Variants in RNLS observed in about 807,000 individuals in gnomAD.
The protein encoded by RNLS is renalase.
RNLS carries 39 observed loss-of-function variants against 39.8 expected under a neutral mutation model. The ratio of observed to expected loss-of-function variants is 0.98; its 90% CI spans 0.76 to 1.28. RNLS has a LOEUF of 1.28. RNLS is among the 50% of genes most tolerant of loss of function. The pLI, the probability that RNLS is intolerant of heterozygous loss-of-function variation, is 0.00. For missense variants in RNLS, 410 were observed against 413.3 expected (o/e 0.99, Z 0.07); for synonymous variants, 147 against 150.7 (o/e 0.98, Z 0.18).
In RNLS at chr10:88,284,275, A is replaced by G. The variant is rs1353635538; in HGVS notation, c.*1079T>C. 3.0e-6 allele frequency: 3 copies of G among 985,244 alleles called. No homozygotes were observed. The East Asian group carries it at 3.4e-4, about 112-fold the overall frequency. 61.0% of individuals were successfully genotyped at this position (985,244 alleles called of 1,614,324 possible). ...AACTTTAAACACTATTACAGTAAGA[A>G]GTCTTTTGTTGAACTTTTGTTAGTT... On this transcript the variant is annotated 3_prime_UTR_variant, in exon 7 of 7. Transcript: ENST00000331772.
chr10:88,364,692 A>G (rs972385780), intron 4 of RNLS, among the ~76,000 whole-genome samples: 2 of 152,164 alleles, frequency 1.3e-5, no homozygotes, highest in Non-Finnish European at 2.9e-5. Flanking sequence ...CCCTTTAACT[A>G]TAATTTTCTG....
chr10:88,569,692 G>A (rs912236013), intron 4 of RNLS, among the ~76,000 whole-genome samples: 6 of 152,004 alleles, frequency 3.9e-5, no homozygotes, highest in Non-Finnish European at 5.9e-5. Context: ...AAAAAATAAG[G>A]TCTACTGCAA....
chr10:88,361,876 C>G (rs1255745471), intron 5 of RNLS, among the ~76,000 whole-genome samples: 1 of 152,154 alleles, frequency 6.6e-6, no homozygotes, highest in African/African-American at 2.4e-5. Flanking sequence ...CACTGCAGTC[C>G]TACAAATGAG....
intron 4 of RNLS, among the ~76,000 whole-genome samples, chr10:88,522,988 A>T (rs1846850771): frequency 6.6e-6 from 1 of 152,070 alleles, no homozygotes. Flanking sequence ...AACTCAAGAG[A>T]CAGTGGCATT....
In RNLS at chr10:88,583,200, G is replaced by C; in HGVS notation, c.-10C>G. ...TCAGCACCTGCGCCATGGCGAGAGG[G>C]AGCAGCGATCCGCGCTGAGTCTCTG... On this transcript the variant is annotated 5_prime_UTR_variant, in exon 1 of 7. Coordinates refer to ENST00000331772, the MANE Select transcript of RNLS (RefSeq NM_001031709.3). 3.1e-6 allele frequency: 5 copies of C among 1,613,584 alleles called. No homozygotes were observed. Among genetic ancestry groups the C allele is most frequent in the Non-Finnish European group, 3.4e-6 (4 of 1,179,842 alleles).
In RNLS at chr10:88,285,283, C is replaced by T; in HGVS notation, c.*71G>A. The T allele has an allele frequency of 7.0e-7, 1 of 1,424,078 alleles. No individual in the cohort carries two copies. The highest frequency in any genetic ancestry group is 1.5e-5 in the African/African-American group (1 of 68,252). The allele number at this position is 1,424,078 out of a possible 1,614,324, so 88.2% of individuals were successfully genotyped here. A position where few individuals can be genotyped will look rare whatever the true frequency, so the allele number is the denominator to read the frequency against. The stretch of plus-strand genomic sequence containing the variant: ...TAATTTTTCTTAGCAAAATAGAAAA[C>T]AAAATAATCAATAACAGAAAATTGT... On this transcript the variant is annotated 3_prime_UTR_variant, in exon 7 of 7. Coordinates refer to ENST00000331772, the MANE Select transcript of RNLS (RefSeq NM_001031709.3).
chr10:88,553,511 T>A (rs1486802300), intron 4 of RNLS, among the ~76,000 whole-genome samples: 2 of 152,146 alleles, frequency 1.3e-5, no homozygotes, highest in African/African-American at 4.8e-5. Context: ...TATAACAATC[T>A]TAAGAATCTA....
At chr10:88,327,855 G>A (rs898904382) in intron 5 of RNLS, among the ~76,000 whole-genome samples, 8 of 151,688 alleles carry the variant, frequency 5.3e-5, no homozygotes, top group East Asian at 1.9e-4. Context: ...TGCCCGCCTC[G>A]GCCTCCCAAA....
At chr10:88,320,362 C>T (rs147095067) in intron 5 of RNLS, among the ~76,000 whole-genome samples, 6 of 151,464 alleles carry the variant, frequency 4.0e-5, no homozygotes, top group East Asian at 3.9e-4. Flanking sequence ...CCAAAGTACA[C>T]GGATCCTATA....
chr10:88,574,881 T>C (rs921971262), intron 3 of RNLS, among the ~76,000 whole-genome samples: 1 of 152,028 alleles, frequency 6.6e-6, no homozygotes, highest in Non-Finnish European at 1.5e-5. Context: ...ACTCTGTTTT[T>C]ATTTATTTAG....
intron 4 of RNLS, among the ~76,000 whole-genome samples, chr10:88,564,009 C>T (rs1849347784): frequency 6.6e-6 from 1 of 152,110 alleles, no homozygotes; most frequent in Non-Finnish European, 1.5e-5. Flanking sequence ...ATTAAACATA[C>T]ATATGCATAT....
At chr10:88,202,423 A>G in the RNLS span, among the ~76,000 whole-genome samples, 1 of 152,096 alleles carries the variant, frequency 6.6e-6, no homozygotes, top group South Asian at 2.1e-4. Context: ...CGTTGTGCAC[A>G]TGTACCCTAA....
chr10:88,237,622 C>G, the RNLS span, among the ~76,000 whole-genome samples: 1 of 152,156 alleles, frequency 6.6e-6, no homozygotes, highest in African/African-American at 2.4e-5. Context: ...CTTTCTAAGA[C>G]ATTTCTTCTA....
intron 3 of RNLS, among the ~76,000 whole-genome samples, chr10:88,576,409 A>G (rs940027520): frequency 6.6e-6 from 1 of 152,214 alleles, no homozygotes; most frequent in Non-Finnish European, 1.5e-5. Context: ...TATTTATTCA[A>G]TTTTATCCCT....
At chr10:88,414,740 T>C (rs1853910091) in intron 4 of RNLS, among the ~76,000 whole-genome samples, 1 of 152,220 alleles carries the variant, frequency 6.6e-6, no homozygotes, top group African/African-American at 2.4e-5. Context: ...AATGGTCCGT[T>C]CTATCAACCT....
At chr10:88,171,591 A>G in the RNLS span, among the ~76,000 whole-genome samples, 1 of 152,232 alleles carries the variant, frequency 6.6e-6, no homozygotes, top group Non-Finnish European at 1.5e-5. Flanking sequence ...TAATCATTGT[A>G]CATATTTGTG....
chr10:88,277,325 C>T (rs978209107), intron 6 of RNLS, among the ~76,000 whole-genome samples: 25 of 112,974 alleles, frequency 2.2e-4, no homozygotes, highest in Admixed American at 8.1e-4. Flanking sequence ...GGGTGCCTGC[C>T]GGGGAGGTGG....
chr10:88,305,096 C>T (rs1199102026), intron 6 of RNLS, among the ~76,000 whole-genome samples: 1 of 152,046 alleles, frequency 6.6e-6, no homozygotes, highest in African/African-American at 2.4e-5. Flanking sequence ...CAAAACCAAG[C>T]TTCATAAGCT....
chr10:88,531,063 A>T (rs536985852), intron 4 of RNLS, among the ~76,000 whole-genome samples: 2 of 152,300 alleles, frequency 1.3e-5, no homozygotes, highest in South Asian at 4.1e-4. Context: ...ATTAAGTATT[A>T]TTTAATAGAA....
Sources: allele counts gnomAD v4.1 joint callset (sites outside exome capture counted in the v4.1 genomes callset), GRCh38; gene constraint gnomAD v4.1.1; transcripts MANE v1.5; gene names NCBI Gene and HGNC (gene_info 2026-07-23, HGNC 2026-07-21).